The following USPL1 variants were observed in gnomAD, a reference collection of about 807,000 sequenced individuals.
USPL1 encodes ubiquitin specific peptidase like 1, also known as SUMO-specific isopeptidase USPL1.
In USPL1, 27 loss-of-function variants were observed where a neutral mutation model predicts 51.5. That is an observed-to-expected ratio of 0.52 (90% CI 0.39 to 0.72). The LOEUF is 0.72. Ranked by LOEUF, USPL1 falls within the 30% of genes least tolerant of loss-of-function variation. The pLI is 0.00. For synonymous variants in USPL1, 451 were observed against 459.6 expected (o/e 0.98, Z 0.24); for missense variants, 1,226 against 1,268.0 (o/e 0.97, Z 0.50).
At chr13:30,653,403 CT>C (rs369558667) in intron 8 of USPL1, 98 bp downstream of exon 8, 608 of 1,251,700 alleles carry the variant, frequency 4.9e-4, no homozygotes, top group African/African-American at 3.0e-3. Flanking sequence ...AAAAGACAAA[CT>C]TTGTCCTGAC....
chr13:30,657,018 A>G (rs551604466), intron 8 of USPL1, among the ~76,000 whole-genome samples: 1 of 152,240 alleles, frequency 6.6e-6, no homozygotes, highest in Non-Finnish European at 1.5e-5. Flanking sequence ...ACACTGCTTT[A>G]AGTAATGGAC....
At chr13:30,645,365 A>G (rs964814451) in intron 6 of USPL1, among the ~76,000 whole-genome samples, 1 of 152,224 alleles carries the variant, frequency 6.6e-6, no homozygotes. Flanking sequence ...ATAGAGGTCC[A>G]GTGACTTCGT....
rs1012217477 is a variant in USPL1, at chr13:30,639,075, G to A, written c.982+1218G>A. Among the ~76,000 whole-genome samples the A allele has an allele frequency of 3.3e-5, 5 of 151,698 alleles. No individual in the cohort carries two copies. The East Asian group carries it at 7.7e-4, about 23-fold the overall frequency. ...TACTAAAAATACAAAAATTAGCCGG[G>A]CGTGGTAGTGTGTGCCTGTAGTTCC... On this transcript the variant is annotated intron_variant, in intron 5 of 8. Coordinates refer to ENST00000255304, the MANE Select transcript of USPL1 (RefSeq NM_005800.5).
intron 3 of USPL1, among the ~76,000 whole-genome samples, chr13:30,625,734 C>T (rs535385171): frequency 1.3e-5 from 2 of 152,116 alleles, no homozygotes; most frequent in East Asian, 1.9e-4. Flanking sequence ...TGAGCCACCA[C>T]GCCCAGCCCG....
intron 4 of USPL1, among the ~76,000 whole-genome samples, chr13:30,634,945 G>A (rs932256583): frequency 2.0e-5 from 3 of 151,994 alleles, no homozygotes; most frequent in Non-Finnish European, 4.4e-5. Context: ...AGAGGTTGTC[G>A]GCTCTATGTG....
intron 5 of USPL1, among the ~76,000 whole-genome samples, chr13:30,641,795 C>G (rs1425072709): frequency 1.3e-5 from 2 of 152,158 alleles, no homozygotes; most frequent in African/African-American, 4.8e-5. Context: ...GTGGCCACGC[C>G]CTCTCCACAG....
intron 7 of USPL1, among the ~76,000 whole-genome samples, chr13:30,651,230 C>G (rs550065844): frequency 6.6e-6 from 1 of 152,268 alleles, no homozygotes; most frequent in Non-Finnish European, 1.5e-5. Flanking sequence ...TATAATTGCT[C>G]TAGTTGTTGT....
chr13:30,622,230 A>G (rs1950656029), intron 3 of USPL1, among the ~76,000 whole-genome samples: 1 of 151,946 alleles, frequency 6.6e-6, no homozygotes, highest in Admixed American at 6.6e-5. Context: ...AACTGATGGG[A>G]AAAGTTATGA....
intron 7 of USPL1, among the ~76,000 whole-genome samples, chr13:30,652,484 G>T (rs999872149): frequency 3.3e-5 from 5 of 152,162 alleles, no homozygotes; most frequent in African/African-American, 1.2e-4. Context: ...AGTTATTTGA[G>T]ACCCATTGGG....
intron 3 of USPL1, among the ~76,000 whole-genome samples, chr13:30,625,842 A>G (rs1040515989): frequency 1.3e-4 from 20 of 152,208 alleles, no homozygotes; most frequent in Admixed American, 1.3e-4. Flanking sequence ...AAAAAGGAAC[A>G]TGAGTAATTT....
chr13:30,649,036 C>T (rs1379666357), intron 7 of USPL1, among the ~76,000 whole-genome samples: 1 of 152,174 alleles, frequency 6.6e-6, no homozygotes, highest in Non-Finnish European at 1.5e-5. Flanking sequence ...TAATTGGTTG[C>T]ACTGCAGCAT....
chr13:30,640,417 C>T (rs1440510024), intron 5 of USPL1, among the ~76,000 whole-genome samples: 2 of 152,104 alleles, frequency 1.3e-5, no homozygotes, highest in African/African-American at 4.8e-5. Context: ...TGGCTGGGCC[C>T]GGTGGCTCAC....
intron 4 of USPL1, 70 bp downstream of exon 4, chr13:30,631,544 A>G: frequency 1.4e-6 from 2 of 1,432,986 alleles, no homozygotes; most frequent in East Asian, 2.5e-5. Flanking sequence ...TCTGTCACCC[A>G]GGCTGGAGTG....
chr13:30,631,304 A>G lies in USPL1; in HGVS notation c.698A>G (p.Tyr233Cys), dbSNP rs760922290. The G allele has an allele frequency of 5.6e-6, 9 of 1,614,160 alleles. No individual in the cohort carries two copies. Among genetic ancestry groups the G allele is most frequent in the South Asian group, 1.1e-5 (1 of 91,074 alleles). The change falls in exon 4 of 9, where the codon TAT becomes TGT. Residue 233 changes from tyrosine to cysteine, a missense_variant. Physicochemically the swap from Tyr to Cys is radical, Grantham distance 194 (BLOSUM62 -2). Coordinates refer to ENST00000255304, the MANE Select transcript of USPL1 (RefSeq NM_005800.5). ...TTATGTGTCCAGTGGAAAAATGCTTATGCTCTCTGTTGGTTAGACTGTATC... is the reference window on the plus strand; with the variant it reads ...TTATGTGTCCAGTGGAAAAATGCTTGTGCTCTCTGTTGGTTAGACTGTATC... ...QALCVQWKNA[Y>C]ALCWLDCILS...
rs1950896939 is a variant in USPL1 at position 30,637,869 on chromosome 13, G to A, written c.982+12G>A. Reference sequence around the variant, plus strand: ...TAGATGCACATTAGGTAAGTAATTGGTAAAACTTACTTGTATTATACTCAT... The same window carrying A: ...TAGATGCACATTAGGTAAGTAATTGATAAAACTTACTTGTATTATACTCAT... On this transcript the variant is annotated intron_variant, in intron 5 of 8. Coordinates refer to ENST00000255304, the MANE Select transcript of USPL1 (RefSeq NM_005800.5). 3.2e-6 allele frequency: 5 copies of A among 1,578,066 alleles called. No individual in the cohort carries two copies. The highest frequency in any genetic ancestry group is 1.3e-5 in the African/African-American group (1 of 74,232).
chr13:30,656,592 G>A (rs1449907937), intron 8 of USPL1, among the ~76,000 whole-genome samples: 8 of 152,094 alleles, frequency 5.3e-5, no homozygotes, highest in East Asian at 1.9e-4. Flanking sequence ...TATCTGTTAC[G>A]GACATTTGAC....
rs1168171562 is a variant in USPL1 at position 30,657,468 on chromosome 13, T to G, written c.1397-6T>G. The G allele has an allele frequency of 6.4e-7, 1 of 1,569,054 alleles. No homozygotes were observed. The highest frequency in any genetic ancestry group is 8.6e-7 in the Non-Finnish European group (1 of 1,162,370). ...ATCTAACTTTCACTTCTTTCCCATC[T>G]TCCAGGAAGTTGGCTGGAATGTGAT... is the stretch of plus-strand genomic sequence containing the variant. On this transcript the variant is annotated splice_region_variant and splice_polypyrimidine_tract_variant and intron_variant, in intron 8 of 8. Coordinates refer to ENST00000255304, the MANE Select transcript of USPL1 (RefSeq NM_005800.5).
chr13:30,637,776 T>C lies in USPL1; in HGVS notation c.901T>C (p.Phe301Leu). The C allele has an allele frequency of 1.2e-6, 2 of 1,612,826 alleles. No homozygotes were observed. The highest frequency in any genetic ancestry group is 8.5e-7 in the Non-Finnish European group (1 of 1,179,648). ...TTGTAAAAAACTTACCTCAGAAATATTTGCAGAGATAGAGACCTGTCTGAA... is the reference window on the plus strand; with the variant it reads ...TTGTAAAAAACTTACCTCAGAAATACTTGCAGAGATAGAGACCTGTCTGAA... ...GDCKKLTSEI[F>L]AEIETCLNEV... Residue 301 changes from phenylalanine to leucine, a missense_variant, in exon 5 of 9, where the codon TTT (phenylalanine) becomes CTT (leucine). By Grantham distance (22) the Phe-to-Leu change is conservative. Coordinates refer to ENST00000255304, the MANE Select transcript of USPL1 (RefSeq NM_005800.5).
intron 5 of USPL1, among the ~76,000 whole-genome samples, chr13:30,642,158 G>A (rs758735387): frequency 3.3e-5 from 5 of 152,072 alleles, no homozygotes; most frequent in Non-Finnish European, 7.4e-5. Flanking sequence ...CTGGTTTTAG[G>A]TTCCTAGAGG....
Sources: allele counts gnomAD v4.1 joint callset (sites outside exome capture counted in the v4.1 genomes callset), GRCh38; gene constraint gnomAD v4.1.1; transcripts MANE v1.5; gene names NCBI Gene and HGNC (gene_info 2026-07-23, HGNC 2026-07-21).